SLC23A2: variants seen among roughly 807,000 people sequenced by gnomAD.
SLC23A2 encodes solute carrier family 23 member 2, also known as Na(+)/L-ascorbic acid transporter 2.
In SLC23A2, 36 loss-of-function variants were observed where a neutral mutation model predicts 73.3. That is an observed-to-expected ratio of 0.49 (90% CI 0.38 to 0.65). The LOEUF (loss-of-function observed/expected upper bound fraction) is 0.65, where lower values mean the gene tolerates loss of function less well. Among genes scored for constraint, SLC23A2 ranks in the 30% least tolerant of loss-of-function variants. The probability of loss-of-function intolerance (pLI) is 0.00; values close to 1 mark genes in which losing one functional copy is unlikely to be tolerated. For synonymous variants in SLC23A2, 343 were observed against 327.3 expected (o/e 1.05, Z -0.52); for missense variants, 507 against 841.6 (o/e 0.60, Z 4.92).
At chr20:4,917,849 G>T (rs539661409) in intron 3 of SLC23A2, among the ~76,000 whole-genome samples, 10 of 152,114 alleles carry the variant, frequency 6.6e-5, no homozygotes, top group Admixed American at 5.9e-4. Context: ...ATCTATTTAC[G>T]TGCAGGGGGC....
intron 15 of SLC23A2, among the ~76,000 whole-genome samples, chr20:4,861,601 A>G (rs1353266948): frequency 1.3e-5 from 2 of 152,208 alleles, no homozygotes; most frequent in Admixed American, 1.3e-4. Context: ...TAACGTGTTC[A>G]AAGTCTATGA....
chr20:4,986,692 A>AGAGC (rs2087836043), intron 1 of SLC23A2, among the ~76,000 whole-genome samples: 1 of 151,144 alleles, frequency 6.6e-6, no homozygotes, highest in Non-Finnish European at 1.5e-5. Context: ...ACACACACAG[A>AGAGC]GATGAATATA....
At chr20:4,950,648 G>C (rs535510091) in intron 2 of SLC23A2, among the ~76,000 whole-genome samples, 98 of 152,236 alleles carry the variant, frequency 6.4e-4, no homozygotes, top group African/African-American at 2.2e-3. Context: ...AGGAACCTGG[G>C]CAGTGGGCAC....
chr20:4,985,844 G>C (rs981933222), intron 1 of SLC23A2, among the ~76,000 whole-genome samples: 2 of 152,156 alleles, frequency 1.3e-5, no homozygotes, highest in African/African-American at 4.8e-5. Flanking sequence ...GGTGAAAAGG[G>C]GAGAAGGGAG....
chr20:4,995,942 G>C (rs1329978980), intron 1 of SLC23A2, among the ~76,000 whole-genome samples: 7 of 152,178 alleles, frequency 4.6e-5, no homozygotes, highest in Admixed American at 2.6e-4. Flanking sequence ...TAGAAACCCT[G>C]AGTTTCAGAT....
At chr20:4,905,792 C>A (rs1210328480) in intron 4 of SLC23A2, among the ~76,000 whole-genome samples, 1 of 152,168 alleles carries the variant, frequency 6.6e-6, no homozygotes, top group African/African-American at 2.4e-5. Context: ...GCTTTGGGAG[C>A]CACATGGTTC....
At position 4,990,538 on chromosome 20, in the gene SLC23A2, ATT is replaced by A. The variant is rs906251685; in HGVS notation, c.-282+10866_-282+10867del. On this transcript the variant is annotated intron_variant, in intron 1 of 16. Coordinates refer to ENST00000338244, the MANE Select transcript of SLC23A2 (RefSeq NM_005116.6). ...AGGCATGCACCACCACAACCAGCTA[ATT>A]TTTTTTTTTTTTAATAGAGTGGGGG... is the stretch of plus-strand genomic sequence containing the variant. Among the ~76,000 whole-genome samples the A allele has an allele frequency of 3.8e-3, 539 of 140,928 alleles. 3 individuals are homozygous for A. The highest frequency in any genetic ancestry group is 0.013 in the African/African-American group (499 of 38,692). The allele number at this position is 140,928 out of a possible 152,430, so 92.5% of individuals were successfully genotyped here. A position where few individuals can be genotyped will look rare whatever the true frequency, so the allele number is the denominator to read the frequency against.
chr20:4,991,720 TCACACACACA>T lies in SLC23A2; in HGVS notation c.-282+9676_-282+9685del, dbSNP rs11471369. Among the ~76,000 whole-genome samples, 804 of 139,410 alleles carry T rather than the reference TCACACACACA, an allele frequency of 5.8e-3. 7 individuals carry two copies. Among genetic ancestry groups the T allele is most frequent in the Middle Eastern group, 0.01 (3 of 288 alleles). The allele number at this position is 139,410 out of a possible 152,430, so 91.5% of individuals were successfully genotyped here. A position where few individuals can be genotyped will look rare whatever the true frequency, so the allele number is the denominator to read the frequency against. ...CTGGGTGACAGAGAGAGACTCCGTTTCACACACACACACACACACACACACACACACACAC... is the reference window on the plus strand; with the variant it reads ...CTGGGTGACAGAGAGAGACTCCGTTTCACACACACACACACACACACACAC... On this transcript the variant is annotated intron_variant, in intron 1 of 16. Coordinates refer to ENST00000338244, the MANE Select transcript of SLC23A2 (RefSeq NM_005116.6).
At position 4,902,620 on chromosome 20, in the gene SLC23A2, C is replaced by T. The variant is rs1475612260; in HGVS notation, c.208-62G>A. The T allele has an allele frequency of 1.2e-6, 1 of 866,556 alleles. No homozygotes were observed. Among genetic ancestry groups the T allele is most frequent in the Non-Finnish European group, 1.9e-6 (1 of 540,064 alleles). The allele number at this position is 866,556 out of a possible 1,614,324, so 53.7% of individuals were successfully genotyped here. On this transcript the variant is annotated intron_variant, in intron 4 of 16. Transcript: ENST00000338244. The surrounding 1 kb of genome is among the most constrained non-coding windows in gnomAD (Gnocchi z 4.0). ...ACGTGAAGACCAGTGTTAGCTCGGC[C>T]ATGTACAGGCCACTATTACAGAAAA... is the stretch of plus-strand genomic sequence containing the variant.
intron 2 of SLC23A2, among the ~76,000 whole-genome samples, chr20:4,934,824 T>C (rs2086935567): frequency 6.7e-6 from 1 of 150,132 alleles, no homozygotes; most frequent in Non-Finnish European, 1.5e-5. Context: ...GATTGCGCCA[T>C]TGTACTCCAG....
At position 4,873,811 on chromosome 20, in the gene SLC23A2, C is replaced by G. The variant is rs191709106; in HGVS notation, c.1102+125G>C. The G allele has an allele frequency of 1.8e-4, 173 of 945,512 alleles. 1 individual carries two copies. The African/African-American group carries it at 2.6e-3, about 14-fold the overall frequency. 58.6% of individuals were successfully genotyped at this position (945,512 alleles called of 1,614,324 possible). The stretch of plus-strand genomic sequence containing the variant: ...TCCCTTACTTGCTGTCTAATCCTCT[C>G]CTGACCAGAATGGCAAGGCCTTCAG... On this transcript the variant is annotated intron_variant, in intron 11 of 16. Coordinates refer to ENST00000338244, the MANE Select transcript of SLC23A2 (RefSeq NM_005116.6).
Position 4,903,463 on chromosome 20 carries a change from T to C in SLC23A2, c.208-905A>G, listed in dbSNP as rs370883444. ...TACAATCATTTCTTGGAATCCAAGA[T>C]ATGTATCTCATTTTAAGAAATGTTT... On this transcript the variant is annotated intron_variant, in intron 4 of 16. Transcript: ENST00000338244. 3.9e-5 allele frequency among the ~76,000 whole-genome samples: 6 copies of C among 152,364 alleles called. No homozygotes were observed. The East Asian group carries it at 7.7e-4, about 20-fold the overall frequency.
chr20:4,950,325 T>C (rs561638402), intron 2 of SLC23A2, among the ~76,000 whole-genome samples: 13 of 152,288 alleles, frequency 8.5e-5, no homozygotes, highest in African/African-American at 3.1e-4. Flanking sequence ...AAGTTTCCAT[T>C]TCCCCAATCA....
chr20:4,946,458 C>T (rs932634108), intron 2 of SLC23A2, among the ~76,000 whole-genome samples: 21 of 152,212 alleles, frequency 1.4e-4, no homozygotes, highest in African/African-American at 5.1e-4. Flanking sequence ...CCTGAAACAT[C>T]CATGGGGTGA....
rs762436738 is a variant in SLC23A2 at position 4,932,455 on chromosome 20, C to T, written c.108G>A (p.Pro36=). Residue 36 remains proline, a splice_region_variant and synonymous_variant, in exon 3 of 17, where the codon CCG becomes CCA. Coordinates refer to ENST00000338244, the MANE Select transcript of SLC23A2 (RefSeq NM_005116.6). ...AAAGGAAGATGGGGAATATGATTAC[C>T]GGAAGAGTGAAGAAAGCTGGGTGCT... ...EAKHPAFFTL[P]VVINGGATSS... is the part of the protein sequence containing the mutation. 1.0e-5 allele frequency: 15 copies of T among 1,501,712 alleles called. No individual in the cohort carries two copies. The highest frequency in any genetic ancestry group is 9.0e-5 in the South Asian group (8 of 88,896). The allele number at this position is 1,501,712 out of a possible 1,614,324, so 93.0% of individuals were successfully genotyped here. A position where few individuals can be genotyped will look rare whatever the true frequency, so the allele number is the denominator to read the frequency against.
At chr20:4,870,247 CATA>C (rs1416986425) in intron 11 of SLC23A2, among the ~76,000 whole-genome samples, 194 bp from the exon 12 acceptor site, 4 of 152,158 alleles carry the variant, frequency 2.6e-5, no homozygotes, top group Non-Finnish European at 5.9e-5. Context: ...TGAAGGCGGC[CATA>C]ATGAGGACTG....
intron 7 of SLC23A2, among the ~76,000 whole-genome samples, chr20:4,885,371 T>A (rs936302454): frequency 6.6e-6 from 1 of 152,210 alleles, no homozygotes; most frequent in African/African-American, 2.4e-5. Context: ...TCCTTAAGGA[T>A]CTTTGCAATC....
At chr20:4,932,298 A>C (rs899887424) in intron 3 of SLC23A2, among the ~76,000 whole-genome samples, 157 bp downstream of exon 3, 6 of 152,318 alleles carry the variant, frequency 3.9e-5, no homozygotes, top group African/African-American at 1.4e-4. Flanking sequence ...GCTAAAACCC[A>C]AGAGTTAGCC....
chr20:4,898,178 G>A (rs570969115), intron 6 of SLC23A2, among the ~76,000 whole-genome samples: 10 of 152,218 alleles, frequency 6.6e-5, no homozygotes, highest in Non-Finnish European at 1.3e-4. Context: ...GGGGTTTGAG[G>A]AGACCCTCCT....
Sources: gnomAD v4.1 joint callset for allele counts (sites outside exome capture counted in the v4.1 genomes callset) on GRCh38, gnomAD v4.1.1 for gene constraint, Gnocchi (gnomAD v3.1) non-coding constraint, MANE v1.5 for transcripts, NCBI Gene and HGNC (gene_info 2026-07-23, HGNC 2026-07-21) for gene names.